The following CHKA variants were observed in gnomAD, a reference collection of about 807,000 sequenced individuals.
CHKA encodes the protein choline kinase alpha, also known as CHETK-alpha.
Under a neutral mutation model 60.1 loss-of-function variants are expected in CHKA, and 34 were observed. The ratio of observed to expected loss-of-function variants is 0.57; its 90% CI spans 0.43 to 0.75. The LOEUF is 0.75. Among genes scored for constraint, CHKA ranks in the 30% least tolerant of loss-of-function variants. CHKA has a pLI of 0.00. For synonymous variants in CHKA, 217 were observed against 223.1 expected, an observed-to-expected ratio of 0.97 and a Z score of 0.24; for missense variants, 563 against 561.3, an observed-to-expected ratio of 1.00 and a Z score of -0.03.
chr11:68,085,386 C>A (rs1326402491), intron 2 of CHKA, among the ~76,000 whole-genome samples: 1 of 151,798 alleles, frequency 6.6e-6, no homozygotes, highest in Non-Finnish European at 1.5e-5. Context: ...CCATACCTAG[C>A]CTTTTTTTTT....
chr11:68,109,091 T>C (rs1858033122), intron 1 of CHKA, among the ~76,000 whole-genome samples: 1 of 144,478 alleles, frequency 6.9e-6, no homozygotes, highest in Admixed American at 6.8e-5. Flanking sequence ...TTTTCCTTTT[T>C]TTTTTTTTTT....
chr11:68,098,942 C>T (rs1857607629), intron 1 of CHKA, among the ~76,000 whole-genome samples: 1 of 152,104 alleles, frequency 6.6e-6, no homozygotes, highest in African/African-American at 2.4e-5. Flanking sequence ...ATCTCGGCCT[C>T]CCAAAGTGCT....
intron 2 of CHKA, among the ~76,000 whole-genome samples, chr11:68,093,008 T>G (rs1003000413): frequency 0.53 from 62,853 of 119,710 alleles, 12,287 homozygotes; most frequent in South Asian, 0.64. Context: ...TTTTTTTGGG[T>G]TTTTTTTTTT....
chr11:68,120,868 G>A lies in CHKA; in HGVS notation c.310C>T (p.Arg104Trp). ...WCKEFLPGAW[R>W]GLREDEFHIS... ...TGGAACTCGTCCTCGCGGAGGCCCCGCCAGGCGCCGGGCAGGAACTCCTTG... is the reference window on the plus strand; with the variant it reads ...TGGAACTCGTCCTCGCGGAGGCCCCACCAGGCGCCGGGCAGGAACTCCTTG... Residue 104 changes from arginine (R) to tryptophan (W), a missense_variant, in exon 1 of 12, where the codon CGG (arginine) becomes TGG (tryptophan). Coordinates refer to ENST00000265689, the MANE Select transcript of CHKA (RefSeq NM_001277.3). The A allele has an allele frequency of 2.2e-6, 3 of 1,351,794 alleles. No individual in the cohort carries two copies. The highest frequency in any genetic ancestry group is 2.9e-6 in the Non-Finnish European group (3 of 1,037,608). 83.7% of individuals were successfully genotyped at this position (1,351,794 alleles called of 1,614,324 possible).
chr11:68,116,270 C>G (rs1858378974), intron 1 of CHKA, among the ~76,000 whole-genome samples: 1 of 152,142 alleles, frequency 6.6e-6, no homozygotes, highest in South Asian at 2.1e-4. Context: ...TATCAATCAG[C>G]AATGAAAATA....
In CHKA at chr11:68,070,927, T is replaced by G. The variant is rs184593933; in HGVS notation, c.631-70A>C. On this transcript the variant is annotated intron_variant, in intron 4 of 11. Coordinates refer to ENST00000265689, the MANE Select transcript of CHKA (RefSeq NM_001277.3). ...CTAAAAAGAGTGAGATCACACAGTC[T>G]TAGGAACGAGAAGTGTTTTTGTAGT... 8.8e-5 allele frequency: 131 copies of G among 1,493,226 alleles called. No homozygotes were observed. The African/African-American group carries it at 1.7e-3, about 19-fold the overall frequency. 92.5% of individuals were successfully genotyped at this position (1,493,226 alleles called of 1,614,324 possible).
chr11:68,106,665 A>C (rs1345029975), intron 1 of CHKA, among the ~76,000 whole-genome samples: 1 of 152,226 alleles, frequency 6.6e-6, no homozygotes, highest in Non-Finnish European at 1.5e-5. Flanking sequence ...ACAATGTAGC[A>C]GTATCTAACA....
intron 7 of CHKA, 152 bp from the exon 8 acceptor site, chr11:68,066,668 G>A (rs902604241): frequency 7.5e-5 from 49 of 652,570 alleles, no homozygotes; most frequent in African/African-American, 6.2e-4. Context: ...TAGACAGAGC[G>A]TAGAAGTGCT....
chr11:68,108,540 C>T (rs989894302), intron 1 of CHKA, among the ~76,000 whole-genome samples: 68 of 152,294 alleles, frequency 4.5e-4, no homozygotes, highest in African/African-American at 1.6e-3. Flanking sequence ...GTCAGGAGAT[C>T]GAGACCATCC....
chr11:68,072,378 C>G (rs1252403885), intron 4 of CHKA, among the ~76,000 whole-genome samples: 1 of 151,722 alleles, frequency 6.6e-6, no homozygotes, highest in Admixed American at 6.6e-5. Context: ...GACCCCGTCT[C>G]TACAAAAAAA....
chr11:68,075,192 C>T (rs2134562999), intron 3 of CHKA, among the ~76,000 whole-genome samples: 1 of 152,236 alleles, frequency 6.6e-6, no homozygotes, highest in East Asian at 1.9e-4. Flanking sequence ...GGCCACAACA[C>T]CATCCATTCT....
At chr11:68,106,489 G>A (rs1015194945) in intron 1 of CHKA, among the ~76,000 whole-genome samples, 2 of 151,454 alleles carry the variant, frequency 1.3e-5, no homozygotes, top group Admixed American at 1.3e-4. Flanking sequence ...GAAGGTTGGG[G>A]CTGCAGTGAG....
chr11:68,084,312 A>ATG (rs1555009411), intron 2 of CHKA, among the ~76,000 whole-genome samples: 36 of 140,448 alleles, frequency 2.6e-4, no homozygotes, highest in African/African-American at 8.0e-4. Flanking sequence ...GTGTATATAC[A>ATG]TGTGTATATA....
chr11:68,107,607 A>G (rs1039742850), intron 1 of CHKA, among the ~76,000 whole-genome samples: 3 of 150,756 alleles, frequency 2.0e-5, no homozygotes, highest in African/African-American at 7.3e-5. Context: ...TCCTCCCCCA[A>G]CCCCCACTAC....
intron 9 of CHKA, among the ~76,000 whole-genome samples, chr11:68,065,246 A>C (rs1460473470): frequency 6.6e-6 from 1 of 152,240 alleles, no homozygotes; most frequent in African/African-American, 2.4e-5. Flanking sequence ...AAATACTACA[A>C]GGAACTACAA....
rs57201853 is a variant in CHKA, at chr11:68,056,929, G to A, written c.1315-2882C>T. ...CTAGCAAATTAATTGAACCCGAGGG[G>A]AACGTGGGAACTCCAATATATGGCT... On this transcript the variant is annotated intron_variant, in intron 11 of 11. Coordinates refer to ENST00000265689, the MANE Select transcript of CHKA (RefSeq NM_001277.3). Among the ~76,000 whole-genome samples, 3 of 152,320 alleles carry A rather than the reference G, an allele frequency of 2.0e-5. No homozygotes were observed. The East Asian group carries it at 5.8e-4, about 29-fold the overall frequency.
At chr11:68,119,874 G>C (rs899162185) in intron 1 of CHKA, among the ~76,000 whole-genome samples, 27 of 152,114 alleles carry the variant, frequency 1.8e-4, no homozygotes, top group African/African-American at 6.3e-4. Flanking sequence ...TGTTAAGTCT[G>C]AATACCTACA....
In CHKA at chr11:68,067,172, G is replaced by A. The variant is rs535005573; in HGVS notation, c.929-656C>T. ...ACTCGACATGATGTTCAGCATCTCC[G>A]ACATCCTGCTGCTGGCACCAGTGAG... On this transcript the variant is annotated intron_variant, in intron 7 of 11. Coordinates refer to ENST00000265689, the MANE Select transcript of CHKA (RefSeq NM_001277.3). Among the ~76,000 whole-genome samples the A allele has an allele frequency of 1.2e-4, 19 of 152,326 alleles. No homozygotes were observed. In the East Asian group the frequency reaches 3.1e-3, roughly 25 times the overall value.
At chr11:68,065,573 C>A (rs751980302) in intron 9 of CHKA, among the ~76,000 whole-genome samples, 1 of 152,076 alleles carries the variant, frequency 6.6e-6, no homozygotes, top group Non-Finnish European at 1.5e-5. Context: ...TGGTGGCATG[C>A]GTCTGTGGTC....
Sources: allele counts gnomAD v4.1 joint callset (sites outside exome capture counted in the v4.1 genomes callset), GRCh38; gene constraint gnomAD v4.1.1; transcripts MANE v1.5; gene names NCBI Gene and HGNC (gene_info 2026-07-23, HGNC 2026-07-21).